EML6: variants seen among roughly 807,000 people sequenced by gnomAD.
The protein encoded by EML6 is EMAP like 6.
Under a neutral mutation model 240.1 loss-of-function variants are expected in EML6, and 154 were observed. The ratio of observed to expected loss-of-function variants is 0.64; its 90% CI spans 0.56 to 0.73. The LOEUF is 0.73. Ranked by LOEUF, EML6 falls within the 30% of genes least tolerant of loss-of-function variation. EML6 has a pLI of 0.00. For synonymous variants in EML6, 1,148 were observed against 899.0 expected, an observed-to-expected ratio of 1.28 and a Z score of -4.95; for missense variants, 2,964 against 2,474.6, an observed-to-expected ratio of 1.20 and a Z score of -4.20.
At chr2:54,732,296 A>G (rs1163245049) in intron 2 of EML6, among the ~76,000 whole-genome samples, 1 of 150,562 alleles carries the variant, frequency 6.6e-6, no homozygotes, top group African/African-American at 2.4e-5. Context: ...AAAGTTTTTC[A>G]TTTTGATGAT....
At chr2:54,760,976 G>A (rs1305893346) in intron 2 of EML6, among the ~76,000 whole-genome samples, 9 of 151,976 alleles carry the variant, frequency 5.9e-5, no homozygotes, top group Admixed American at 5.9e-4. Flanking sequence ...TATTAATCTG[G>A]GAAGTACTGA....
intron 8 of EML6, among the ~76,000 whole-genome samples, chr2:54,846,192 G>T (rs969088730): frequency 2.0e-5 from 3 of 152,086 alleles, no homozygotes; most frequent in African/African-American, 7.2e-5. Context: ...TCACTTGGGC[G>T]CCCAGGGAAG....
intron 28 of EML6, among the ~76,000 whole-genome samples, chr2:54,945,597 T>A (rs1041650538): frequency 1.3e-5 from 2 of 152,102 alleles, no homozygotes; most frequent in African/African-American, 4.8e-5. Context: ...TCATCTTGGG[T>A]TGCAACTGAC....
At chr2:54,876,909 T>C (rs1197264171) in intron 16 of EML6, among the ~76,000 whole-genome samples, 1 of 152,136 alleles carries the variant, frequency 6.6e-6, no homozygotes, top group African/African-American at 2.4e-5. Context: ...GTCACCTTAA[T>C]ATGTAATATA....
At chr2:54,798,291 G>C (rs1669929939) in intron 2 of EML6, among the ~76,000 whole-genome samples, 1 of 152,074 alleles carries the variant, frequency 6.6e-6, no homozygotes, top group East Asian at 1.9e-4. Flanking sequence ...TCCTGCCTCA[G>C]CCTCCTGAGT....
chr2:54,755,913 T>C (rs1182982352), intron 2 of EML6, among the ~76,000 whole-genome samples: 1 of 152,006 alleles, frequency 6.6e-6, no homozygotes, highest in African/African-American at 2.4e-5. Context: ...CGCTGTTTTC[T>C]GCTTGGCTAA....
chr2:54,831,471 C>T (rs564684611), intron 7 of EML6, among the ~76,000 whole-genome samples: 2 of 152,228 alleles, frequency 1.3e-5, no homozygotes, highest in East Asian at 3.9e-4. Flanking sequence ...ATCAGCCCCA[C>T]AGCCAACTCC....
chr2:54,782,657 C>T (rs1668901853), intron 2 of EML6, among the ~76,000 whole-genome samples: 1 of 142,128 alleles, frequency 7.0e-6, no homozygotes, highest in Non-Finnish European at 1.5e-5. Flanking sequence ...CTCTATTAGA[C>T]CTACTTGTAT....
At chr2:54,804,317 T>A in intron 2 of EML6, among the ~76,000 whole-genome samples, 1 of 152,256 alleles carries the variant, frequency 6.6e-6, no homozygotes, top group South Asian at 2.1e-4. Flanking sequence ...TACTCCTTGC[T>A]TAAAGAGAGG....
chr2:54,790,878 A>G (rs962602118), intron 2 of EML6, among the ~76,000 whole-genome samples: 1 of 151,782 alleles, frequency 6.6e-6, no homozygotes, highest in African/African-American at 2.4e-5. Flanking sequence ...GGCGCCTGCC[A>G]CCGCGCCCAG....
intron 17 of EML6, among the ~76,000 whole-genome samples, chr2:54,890,676 G>C (rs1159597181): frequency 2.6e-5 from 4 of 152,028 alleles, no homozygotes; most frequent in Non-Finnish European, 5.9e-5. Context: ...CTTTCCTCCT[G>C]CACAAGAGGA....
At position 54,845,675 on chromosome 2, in the gene EML6, C is replaced by T. The variant is rs528573269; in HGVS notation, c.1049+1427C>T. On this transcript the variant is annotated intron_variant, in intron 8 of 41. Transcript: ENST00000356458. ...TGCTTAAAATAGTACAAGGTTGAAA[C>T]AGCATGAGATCATGCATGATGGATG... 1.1e-4 allele frequency among the ~76,000 whole-genome samples: 16 copies of T among 152,234 alleles called. No individual in the cohort carries two copies. In the South Asian group the frequency reaches 3.3e-3, roughly 32 times the overall value.
chr2:54,860,695 A>G (rs1202116570), intron 12 of EML6, among the ~76,000 whole-genome samples: 1 of 152,238 alleles, frequency 6.6e-6, no homozygotes, highest in Non-Finnish European at 1.5e-5. Context: ...GGCAAAGTAT[A>G]TGAATGTCTG....
At chr2:54,932,269 C>G (rs1245509394) in intron 28 of EML6, among the ~76,000 whole-genome samples, 1 of 152,226 alleles carries the variant, frequency 6.6e-6, no homozygotes, top group African/African-American at 2.4e-5. Context: ...CTCCATGACC[C>G]AGACTCATCT....
At chr2:54,887,916 T>A (rs1261244973) in intron 17 of EML6, among the ~76,000 whole-genome samples, 2 of 152,196 alleles carry the variant, frequency 1.3e-5, no homozygotes, top group East Asian at 1.9e-4. Flanking sequence ...CCTTGACATA[T>A]CATTATCACC....
At position 54,951,044 on chromosome 2, in the gene EML6, G is replaced by A. The variant is rs182875953; in HGVS notation, c.4213+265G>A. Among the ~76,000 whole-genome samples, 117 of 152,220 alleles carry A rather than the reference G, an allele frequency of 7.7e-4. 1 individual carries two copies. Among genetic ancestry groups the A allele is most frequent in the African/African-American group, 2.6e-3 (108 of 41,526 alleles). On this transcript the variant is annotated intron_variant, in intron 30 of 41. Coordinates refer to ENST00000356458, the MANE Select transcript of EML6 (RefSeq NM_001039753.4). ...CATGTTGACACCAGCCTCTGTAACC[G>A]ACAGCCATGGAGAAAAGCAAGAGAC...
At chr2:54,957,159 A>C (rs905969579) in intron 32 of EML6, among the ~76,000 whole-genome samples, 2 of 152,172 alleles carry the variant, frequency 1.3e-5, no homozygotes, top group Admixed American at 6.5e-5. Flanking sequence ...GAGCTTAAAT[A>C]ATTTGTCTAA....
intron 24 of EML6, among the ~76,000 whole-genome samples, chr2:54,910,073 T>C (rs551986212): frequency 4.2e-4 from 64 of 152,310 alleles, no homozygotes; most frequent in Admixed American, 1.1e-3. Context: ...TGAAATATTA[T>C]GACGTCTGAA....
rs111347050 is a variant in EML6 at position 54,783,218 on chromosome 2, T to C, written c.198-30014T>C. 1.7e-3 allele frequency among the ~76,000 whole-genome samples: 253 copies of C among 152,348 alleles called. 1 individual carries two copies. Among genetic ancestry groups the C allele is most frequent in the African/African-American group, 5.8e-3 (241 of 41,590 alleles). ...TTTACTGACCTCATGTCTTATCTCATAAAATAAGAAATTATTCATATTCCA... is the reference window on the plus strand; with the variant it reads ...TTTACTGACCTCATGTCTTATCTCACAAAATAAGAAATTATTCATATTCCA... On this transcript the variant is annotated intron_variant, in intron 2 of 41. Coordinates refer to ENST00000356458, the MANE Select transcript of EML6 (RefSeq NM_001039753.4).
Sources: gnomAD v4.1 joint callset for allele counts (sites outside exome capture counted in the v4.1 genomes callset) on GRCh38, gnomAD v4.1.1 for gene constraint, MANE v1.5 for transcripts, NCBI Gene and HGNC (gene_info 2026-07-23, HGNC 2026-07-21) for gene names.